NIF3L1: variants seen among roughly 807,000 people sequenced by gnomAD.
NIF3L1 encodes the protein NIF3-like protein 1.
NIF3L1 carries 26 observed loss-of-function variants against 35.0 expected under a neutral mutation model. The observed-to-expected ratio is 0.74, with a 90% CI of 0.54 to 1.03. The LOEUF is 1.03. Among genes scored for constraint, NIF3L1 ranks in the 50% least tolerant of loss-of-function variants. NIF3L1 has a pLI of 0.00. For missense variants in NIF3L1, 449 were observed against 466.3 expected (o/e 0.96, Z 0.34); for synonymous variants, 157 against 178.9 (o/e 0.88, Z 0.98).
intron 6 of NIF3L1, among the ~76,000 whole-genome samples, chr2:200,903,064 C>G (rs2040434555): frequency 6.6e-6 from 1 of 152,184 alleles, no homozygotes; most frequent in Admixed American, 6.5e-5. Flanking sequence ...TGCAGTGGTG[C>G]AGTCTCGGCT....
chr2:200,903,409 A>G, intron 6 of NIF3L1, 85 bp from the exon 7 acceptor site: 1 of 1,081,872 alleles, frequency 9.2e-7, no homozygotes, highest in East Asian at 2.4e-5. Flanking sequence ...TATAGACTAC[A>G]AACTTGGTAT....
intron 6 of NIF3L1, 127 bp from the exon 7 acceptor site, chr2:200,903,367 T>C (rs2040440048): frequency 1.4e-6 from 1 of 738,052 alleles, no homozygotes; most frequent in Non-Finnish European, 2.3e-6. Flanking sequence ...GATTTATATG[T>C]AAAACAGTTC....
At chr2:200,899,532 GAC>G in intron 6 of NIF3L1, 64 bp downstream of exon 6, 1 of 1,136,580 alleles carries the variant, frequency 8.8e-7, no homozygotes, top group Non-Finnish European at 1.3e-6. Context: ...CAAATTTTAG[GAC>G]AGTACCTGGC....
At chr2:200,899,139 G>A in intron 5 of NIF3L1, 1 of 368,298 alleles carries the variant, frequency 2.7e-6, no homozygotes, top group Non-Finnish European at 4.9e-6. Flanking sequence ...TACAAAGGTT[G>A]TTGAAAAAAA....
At chr2:200,895,505 A>G in intron 4 of NIF3L1, 115 bp downstream of exon 4, 1 of 974,248 alleles carries the variant, frequency 1.0e-6, no homozygotes, top group East Asian at 2.5e-5. Context: ...ATTGAGGTAT[A>G]ATTGATATAC....
At chr2:200,896,711 A>G (rs1021926997) in intron 4 of NIF3L1, among the ~76,000 whole-genome samples, 29 of 152,102 alleles carry the variant, frequency 1.9e-4, no homozygotes, top group African/African-American at 6.8e-4. Context: ...CAGCCTCCCA[A>G]GTAGCTGGGA....
intron 2 of NIF3L1, 32 bp from the exon 3 acceptor site, chr2:200,893,214 A>G (rs1328335406): frequency 3.4e-6 from 5 of 1,464,216 alleles, no homozygotes; most frequent in Non-Finnish European, 3.6e-6. Context: ...TCACCCCCCA[A>G]AACTCCCATT....
At position 200,895,368 on chromosome 2, in the gene NIF3L1, C is replaced by A. The variant is rs747522600; in HGVS notation, c.704C>A (p.Thr235Lys). ...CGGAACAAACAACTTTATCAGAAGACGGAAATTCTGTCACTGGAGAAGGTA... is the reference window on the plus strand; with the variant it reads ...CGGAACAAACAACTTTATCAGAAGAAGGAAATTCTGTCACTGGAGAAGGTA... Reference protein sequence around the residue: ...LSRNKQLYQKTEILSLEKPLL... With the variant: ...LSRNKQLYQKKEILSLEKPLL... The change falls in exon 4 of 7, where the codon ACG (threonine) becomes AAG (lysine). Residue 235 changes from threonine to lysine, a missense_variant. By Grantham distance (78) the Thr-to-Lys change is moderately conservative. Coordinates refer to ENST00000409020, the MANE Select transcript of NIF3L1 (RefSeq NM_001369441.2). 1.1e-5 allele frequency: 17 copies of A among 1,613,732 alleles called. No homozygotes were observed. Among genetic ancestry groups the A allele is most frequent in the Non-Finnish European group, 1.4e-5 (16 of 1,179,850 alleles).
At position 200,891,964 on chromosome 2, in the gene NIF3L1, C is replaced by T. The variant is rs766333918; in HGVS notation, c.21C>T (p.Arg7=). The T allele has an allele frequency of 8.1e-6, 13 of 1,612,070 alleles. No individual in the cohort carries two copies. In the East Asian group the frequency reaches 1.3e-4, roughly 17 times the overall value. Residue 7 remains arginine, a synonymous_variant, in exon 2 of 7, where the codon CGC becomes CGT. Transcript: ENST00000409020. MLSSCV[R]PVPTTVRFVD... ...TCTGTATGTTGTCATCTTGCGTACG[C>T]CCAGTCCCCACGACAGTCCGGTTTG...
At chr2:200,894,668 A>C (rs551799683) in intron 3 of NIF3L1, among the ~76,000 whole-genome samples, 7 of 150,730 alleles carry the variant, frequency 4.6e-5, no homozygotes, top group Admixed American at 2.0e-4. Context: ...TTGGCCTCCC[A>C]AAATGCTGGG....
intron 3 of NIF3L1, 90 bp from the exon 4 acceptor site, chr2:200,895,169 AAATCT>A: frequency 8.3e-7 from 1 of 1,201,808 alleles, no homozygotes; most frequent in South Asian, 1.4e-5. Context: ...GGTTCCACAT[AAATCT>A]AATCTATTAT....
intron 5 of NIF3L1, 44 bp downstream of exon 5, chr2:200,897,258 A>G: frequency 6.3e-7 from 1 of 1,590,360 alleles, no homozygotes; most frequent in Non-Finnish European, 8.6e-7. Flanking sequence ...TACTGTTAAC[A>G]TTGGACAAAG....
intron 6 of NIF3L1, among the ~76,000 whole-genome samples, chr2:200,902,943 A>T (rs935559718): frequency 2.0e-5 from 3 of 152,162 alleles, no homozygotes; most frequent in Non-Finnish European, 2.9e-5. Flanking sequence ...GATATGTTGG[A>T]TTGGATAATT....
intron 4 of NIF3L1, 105 bp from the exon 5 acceptor site, chr2:200,896,971 C>T: frequency 2.7e-6 from 3 of 1,110,406 alleles, no homozygotes; most frequent in Non-Finnish European, 3.9e-6. Flanking sequence ...CACATTTAGC[C>T]TGGAGCTTGC....
chr2:200,900,641 A>T (rs1000494812), intron 6 of NIF3L1, among the ~76,000 whole-genome samples: 1 of 152,238 alleles, frequency 6.6e-6, no homozygotes, highest in African/African-American at 2.4e-5. Context: ...AAATTGATTT[A>T]AAAAAACAAA....
intron 6 of NIF3L1, among the ~76,000 whole-genome samples, chr2:200,903,046 G>C (rs890513774): frequency 3.3e-5 from 5 of 152,200 alleles, no homozygotes; most frequent in Admixed American, 6.5e-5. Context: ...CTGTCACCCA[G>C]GCTGAAGTGC....
chr2:200,894,550 G>GC lies in NIF3L1; in HGVS notation c.600-708dup, dbSNP rs994245076. Among the ~76,000 whole-genome samples the GC allele has an allele frequency of 2.1e-4, 32 of 151,576 alleles. 1 individual carries two copies. The highest frequency in any genetic ancestry group is 6.3e-4 in the African/African-American group (26 of 41,352). On this transcript the variant is annotated intron_variant, in intron 3 of 6. Transcript: ENST00000409020. ...CCAGTAGCTGGGACTACAGGCACCC[G>GC]CCCCCCACCACGCCCGGCTAATTTT...
chr2:200,892,437 T>C, intron 2 of NIF3L1, 58 bp downstream of exon 2: 2 of 1,381,562 alleles, frequency 1.4e-6, no homozygotes, highest in South Asian at 2.9e-5. Context: ...AACTTTAGGA[T>C]GTCTTTCCAG....
At position 200,897,430 on chromosome 2, in the gene NIF3L1, A is replaced by C. The variant is rs549166554; in HGVS notation, c.865+216A>C. On this transcript the variant is annotated intron_variant, in intron 5 of 6. Transcript: ENST00000409020. ...TATTTCTCTGTCATGCTATGTGTTCATTTCAAGTTGGTCATTGTAGGAAGT... is the reference window on the plus strand; with the variant it reads ...TATTTCTCTGTCATGCTATGTGTTCCTTTCAAGTTGGTCATTGTAGGAAGT... Among the ~76,000 whole-genome samples the C allele has an allele frequency of 2.0e-5, 3 of 152,252 alleles. No individual in the cohort carries two copies. The East Asian group carries it at 5.8e-4, about 29-fold the overall frequency.
Sources: gnomAD v4.1 joint callset for allele counts (sites outside exome capture counted in the v4.1 genomes callset) on GRCh38, gnomAD v4.1.1 for gene constraint, MANE v1.5 for transcripts, NCBI Gene and HGNC (gene_info 2026-07-23, HGNC 2026-07-21) for gene names.